Variants in LTF observed in about 807,000 individuals in gnomAD.
LTF encodes the protein lactotransferrin, also known as epididymis luminal protein 110.
LTF carries 91 observed loss-of-function variants against 87.2 expected under a neutral mutation model. The ratio of observed to expected loss-of-function variants is 1.04; its 90% CI spans 0.88 to 1.24. The LOEUF (loss-of-function observed/expected upper bound fraction) is 1.24. LTF is among the 50% of genes most tolerant of loss of function. LTF has a pLI of 0.00. For missense variants in LTF, 901 were observed against 904.3 expected, an observed-to-expected ratio of 1.00 and a Z score of 0.05; for synonymous variants, 378 against 356.1, an observed-to-expected ratio of 1.06 and a Z score of -0.69.
At position 46,447,243 on chromosome 3, in the gene LTF, G is replaced by A. The variant is rs910562664; in HGVS notation, c.1303+65C>T. On this transcript the variant is annotated intron_variant, in intron 10 of 16. Coordinates refer to ENST00000231751, the MANE Select transcript of LTF (RefSeq NM_002343.6). Reference sequence around the variant, plus strand: ...TGTTTCACCTGCATTCACCGAATGGGATTACTCATAGCCCCACTCCCATGA... The same window carrying A: ...TGTTTCACCTGCATTCACCGAATGGAATTACTCATAGCCCCACTCCCATGA... The A allele has an allele frequency of 2.7e-6, 3 of 1,128,394 alleles. No individual in the cohort carries two copies. In the African/African-American group the frequency reaches 4.6e-5, roughly 17 times the overall value. The allele number at this position is 1,128,394 out of a possible 1,614,324, so 69.9% of individuals were successfully genotyped here. A position where few individuals can be genotyped will look rare whatever the true frequency, so the allele number is the denominator to read the frequency against.
chr3:46,455,951 G>A lies in LTF; in HGVS notation c.344C>T (p.Ala115Val), dbSNP rs1012778407. 2 of 1,606,158 alleles carry A rather than the reference G, an allele frequency of 1.2e-6. No homozygotes were observed. Among genetic ancestry groups the A allele is most frequent in the Non-Finnish European group, 1.7e-6 (2 of 1,176,386 alleles). ...RQPRTHYYAV[A>V]VVKKGGSFQL... ...AAAGCTGCCGCCCTTCTTCACCACA[G>A]CCACGGCATAATAGTGAGTTCGTGG... Residue 115 changes from alanine (A) to valine (V), a missense_variant, in exon 4 of 17, where the codon GCT (alanine) becomes GTT (valine). Coordinates refer to ENST00000231751, the MANE Select transcript of LTF (RefSeq NM_002343.6).
At position 46,436,192 on chromosome 3, in the gene LTF, G is replaced by T. The variant is rs909995859; in HGVS notation, c.*3C>A. On this transcript the variant is annotated 3_prime_UTR_variant, in exon 17 of 17. Transcript: ENST00000231751. The stretch of plus-strand genomic sequence containing the variant: ...TTGGGGAGCTGGGCCATCTTCTTCG[G>T]TTTTACTTCCTGAGGAATTCACAGG... 2 of 1,614,062 alleles carry T rather than the reference G, an allele frequency of 1.2e-6. No homozygotes were observed. Among genetic ancestry groups the T allele is most frequent in the African/African-American group, 2.7e-5 (2 of 74,940 alleles).
At position 46,450,713 on chromosome 3, in the gene LTF, G is replaced by A. The variant is rs369024938; in HGVS notation, c.704-40C>T. The A allele has an allele frequency of 1.1e-5, 17 of 1,538,720 alleles. No individual in the cohort carries two copies. In the African/African-American group the frequency reaches 1.2e-4, roughly 11 times the overall value. On this transcript the variant is annotated intron_variant, in intron 6 of 16. Coordinates refer to ENST00000231751, the MANE Select transcript of LTF (RefSeq NM_002343.6). ...AGGTGGGAGGGAGTCTAGATAAGCC[G>A]ACTCCAGCAGTAACCTCGAGCTATA...
chr3:46,473,159 C>T (rs1406968001), intron 1 of LTF, among the ~76,000 whole-genome samples: 2 of 152,120 alleles, frequency 1.3e-5, no homozygotes, highest in East Asian at 3.9e-4. Flanking sequence ...GCACCCTTTC[C>T]TGAGGGAAAC....
At chr3:46,446,379 A>G (rs1702654398) in intron 11 of LTF, 61 bp downstream of exon 11, 1 of 1,416,432 alleles carries the variant, frequency 7.1e-7, no homozygotes, top group Non-Finnish European at 9.9e-7. Context: ...AGTTCCTGCC[A>G]CTTCCTCTTC....
rs1465018000 is a variant in LTF at position 46,447,414 on chromosome 3, A to G, written c.1213-16T>C. 6.3e-7 allele frequency: 1 copy of G among 1,581,244 alleles called. No individual in the cohort carries two copies. The highest frequency in any genetic ancestry group is 2.2e-5 in the East Asian group (1 of 44,680). On this transcript the variant is annotated splice_polypyrimidine_tract_variant and intron_variant, in intron 9 of 16. Transcript: ENST00000231751. ...CTTCTCCTTTCTGCAAAGACAGAGC[A>G]GATCTCCAGCACCACAGTGAGGCTG... is the stretch of plus-strand genomic sequence containing the variant.
At chr3:46,457,693 T>C (rs894689693) in intron 2 of LTF, among the ~76,000 whole-genome samples, 1 of 152,246 alleles carries the variant, frequency 6.6e-6, no homozygotes, top group Non-Finnish European at 1.5e-5. Flanking sequence ...ATCTCACAAG[T>C]ATTTTTTATT....
intron 1 of LTF, among the ~76,000 whole-genome samples, chr3:46,478,032 T>C (rs1222383656): frequency 1.3e-5 from 2 of 152,176 alleles, no homozygotes; most frequent in Non-Finnish European, 2.9e-5. Context: ...TACAGACATC[T>C]GTCTTTGTGA....
At chr3:46,440,073 C>T (rs2298951) in intron 14 of LTF, among the ~76,000 whole-genome samples, 26 of 152,154 alleles carry the variant, frequency 1.7e-4, no homozygotes, top group African/African-American at 5.6e-4. Flanking sequence ...AGGATACAAG[C>T]GTTCTAGAGT....
At chr3:46,457,489 T>A (rs1378993056) in intron 2 of LTF, among the ~76,000 whole-genome samples, 1 of 152,198 alleles carries the variant, frequency 6.6e-6, no homozygotes, top group African/African-American at 2.4e-5. Flanking sequence ...GGAGCACGTT[T>A]CCCCCTGTGA....
At chr3:46,448,622 A>G (rs1337090541) in intron 9 of LTF, among the ~76,000 whole-genome samples, 1 of 152,134 alleles carries the variant, frequency 6.6e-6, no homozygotes, top group African/African-American at 2.4e-5. Flanking sequence ...ATACCTTTCC[A>G]TATTTTCCAA....
intron 14 of LTF, among the ~76,000 whole-genome samples, chr3:46,440,804 G>A (rs1227414683): frequency 6.6e-6 from 1 of 152,226 alleles, no homozygotes; most frequent in Non-Finnish European, 1.5e-5. Context: ...TTGGAATGCT[G>A]AAGTGGGGCT....
At chr3:46,445,063 G>T (rs1702613566) in intron 12 of LTF, among the ~76,000 whole-genome samples, 1 of 152,162 alleles carries the variant, frequency 6.6e-6, no homozygotes, top group Non-Finnish European at 1.5e-5. Context: ...TTTAATCTTG[G>T]GGTGGGGTGA....
At chr3:46,479,091 T>C (rs1005389620) in intron 1 of LTF, among the ~76,000 whole-genome samples, 4 of 152,122 alleles carry the variant, frequency 2.6e-5, no homozygotes, top group South Asian at 4.1e-4. Flanking sequence ...GTTACCACCA[T>C]AGGAGATGAG....
At chr3:46,454,234 C>A in intron 6 of LTF, 71 bp downstream of exon 6, 1 of 1,351,854 alleles carries the variant, frequency 7.4e-7, no homozygotes, top group Non-Finnish European at 1.1e-6. Context: ...ATCTAATTAG[C>A]TCAAAGGTCA....
At chr3:46,441,528 T>A in intron 13 of LTF, 45 bp from the exon 14 acceptor site, 1 of 1,363,890 alleles carries the variant, frequency 7.3e-7, no homozygotes, top group Non-Finnish European at 1.0e-6. Context: ...GAAGAGAAAC[T>A]AGTGGGGCTT....
At chr3:46,436,391 C>T (rs569910854) in intron 16 of LTF, among the ~76,000 whole-genome samples, 162 bp from the exon 17 acceptor site, 2 of 152,354 alleles carry the variant, frequency 1.3e-5, no homozygotes, top group African/African-American at 2.4e-5. Flanking sequence ...CTACTCCTAG[C>T]GACTACGGTG....
intron 1 of LTF, among the ~76,000 whole-genome samples, chr3:46,475,555 CA>C (rs1224763584): frequency 5.3e-5 from 8 of 151,582 alleles, no homozygotes; most frequent in Admixed American, 1.3e-4. Context: ...CACACACACA[CA>C]CACACACACA....
At chr3:46,459,397 GAACAGTTGTTATTAATGAAT>G (rs1340996202) in intron 2 of LTF, among the ~76,000 whole-genome samples, 3 of 152,162 alleles carry the variant, frequency 2.0e-5, no homozygotes, top group South Asian at 2.1e-4. Flanking sequence ...TTTCATTTTG[GAACAGTTGTTATTAATGAAT>G]AACAGTTGTT....
Sources: gnomAD v4.1 joint callset for allele counts (sites outside exome capture counted in the v4.1 genomes callset) on GRCh38, gnomAD v4.1.1 for gene constraint, MANE v1.5 for transcripts, NCBI Gene and HGNC (gene_info 2026-07-23, HGNC 2026-07-21) for gene names.